Variants in HHLA1 observed in about 807,000 individuals in gnomAD.
HHLA1 encodes HHLA1 neighbor of OC90.
A neutral mutation model predicts 69.9 loss-of-function variants in HHLA1; 72 were observed. The observed-to-expected ratio is 1.03, with a 90% CI of 0.85 to 1.25. The LOEUF is 1.25. HHLA1 is among the 50% of genes most tolerant of loss of function. HHLA1 has a pLI of 0.00. For synonymous variants in HHLA1, 252 were observed against 233.2 expected, an observed-to-expected ratio of 1.08 and a Z score of -0.73; for missense variants, 685 against 642.2, an observed-to-expected ratio of 1.07 and a Z score of -0.72.
At chr8:132,092,614 G>T (rs938131108) in intron 7 of HHLA1, among the ~76,000 whole-genome samples, 1 of 152,114 alleles carries the variant, frequency 6.6e-6, no homozygotes, top group Admixed American at 6.5e-5. Flanking sequence ...AGTCATGTAA[G>T]ATCTGCCTGC....
rs1235940978 is a variant in HHLA1, at chr8:132,063,381, A to G, written c.*614T>C. 1.3e-5 allele frequency: 2 copies of G among 152,252 alleles called. No individual in the cohort carries two copies. The highest frequency in any genetic ancestry group is 2.4e-5 in the African/African-American group (1 of 41,462). 9.4% of individuals were successfully genotyped at this position (152,252 alleles called of 1,614,324 possible). ...GAAGAGGAATCAAGACAAGATGTCA[A>G]TAAAAACAACTCTCTAAACCTCCTC... is the stretch of plus-strand genomic sequence containing the variant. On this transcript the variant is annotated 3_prime_UTR_variant, in exon 17 of 17. Coordinates refer to ENST00000414222, the MANE Select transcript of HHLA1 (RefSeq NM_001145095.3).
chr8:132,070,958 C>T (rs555009951), intron 15 of HHLA1, among the ~76,000 whole-genome samples: 1 of 152,196 alleles, frequency 6.6e-6, no homozygotes, highest in Admixed American at 6.5e-5. Flanking sequence ...GATCACAACT[C>T]CAGTCATCTC....
At chr8:132,068,809 A>G (rs1222503952) in intron 15 of HHLA1, among the ~76,000 whole-genome samples, 2 of 152,298 alleles carry the variant, frequency 1.3e-5, no homozygotes, top group African/African-American at 4.8e-5. Context: ...TGGCTTTGTT[A>G]TCCTGCAAGG....
chr8:132,096,978 G>C (rs1824036696), intron 5 of HHLA1, among the ~76,000 whole-genome samples: 1 of 152,066 alleles, frequency 6.6e-6, no homozygotes, highest in South Asian at 2.1e-4. Flanking sequence ...CCCGGTCTCA[G>C]GTGATTTTTA....
chr8:132,075,644 C>T (rs1436121287), intron 14 of HHLA1, among the ~76,000 whole-genome samples: 1 of 152,206 alleles, frequency 6.6e-6, no homozygotes, highest in Non-Finnish European at 1.5e-5. Flanking sequence ...TCCTTCACTG[C>T]CAACAACCCT....
rs553561254 is a variant in HHLA1 at position 132,096,071 on chromosome 8, G to A, written c.281-285C>T. Reference sequence around the variant, plus strand: ...GGCATATTAGGCCCCTGAGGCTGCTGTAACAAATTATCACAAACTTGGTGG... The same window carrying A: ...GGCATATTAGGCCCCTGAGGCTGCTATAACAAATTATCACAAACTTGGTGG... On this transcript the variant is annotated intron_variant, in intron 5 of 16. Transcript: ENST00000414222. Among the ~76,000 whole-genome samples the A allele has an allele frequency of 2.7e-4, 41 of 152,340 alleles. 1 individual carries two copies. Among genetic ancestry groups the A allele is most frequent in the African/African-American group, 9.6e-4 (40 of 41,574 alleles).
In HHLA1 at chr8:132,075,621, T is replaced by C. The variant is rs1479824772; in HGVS notation, c.1315+434A>G. On this transcript the variant is annotated intron_variant, in intron 14 of 16. Coordinates refer to ENST00000414222, the MANE Select transcript of HHLA1 (RefSeq NM_001145095.3). The stretch of plus-strand genomic sequence containing the variant: ...TGAGGTTGCATTTTGCAGTCATCTT[T>C]TTTATTCCTTCCTCCTTCACTGCCA... Among the ~76,000 whole-genome samples, 7 of 152,330 alleles carry C rather than the reference T, an allele frequency of 4.6e-5. No homozygotes were observed. In the East Asian group the frequency reaches 1.2e-3, roughly 25 times the overall value.
chr8:132,109,254 C>A lies in HHLA1; in HGVS notation c.-22+1848G>T, dbSNP rs572147238. Among the ~76,000 whole-genome samples, 34 of 152,278 alleles carry A rather than the reference C, an allele frequency of 2.2e-4. No individual in the cohort carries two copies. In the South Asian group the frequency reaches 6.8e-3, roughly 31 times the overall value. ...ACTCAGTCAAAAAGCATTTGTGGAG[C>A]TCATGGCATAGTTGTTACAAGCACA... On this transcript the variant is annotated intron_variant, in intron 1 of 16. Transcript: ENST00000414222.
chr8:132,066,018 T>C (rs1054133115), intron 15 of HHLA1, 50 bp from the exon 16 acceptor site: 1 of 795,974 alleles, frequency 1.3e-6, no homozygotes, highest in Non-Finnish European at 1.9e-6. Flanking sequence ...GTGATGGCTA[T>C]TAGAAGACAG....
chr8:132,076,742 T>C (rs766945417), intron 12 of HHLA1, among the ~76,000 whole-genome samples, 199 bp from the exon 13 acceptor site: 1 of 152,136 alleles, frequency 6.6e-6, no homozygotes, highest in African/African-American at 2.4e-5. Flanking sequence ...AATCCCATCA[T>C]TACTGTGATA....
At chr8:132,071,597 C>G (rs753325559) in intron 14 of HHLA1, 104 bp from the exon 15 acceptor site, 2 of 1,058,812 alleles carry the variant, frequency 1.9e-6, no homozygotes, top group Admixed American at 2.4e-5. Context: ...CCTGATCTCA[C>G]GTAGCTCTGA....
intron 4 of HHLA1, among the ~76,000 whole-genome samples, chr8:132,099,252 T>C (rs1338624990): frequency 6.6e-6 from 1 of 152,188 alleles, no homozygotes; most frequent in Non-Finnish European, 1.5e-5. Context: ...GGGACTCATA[T>C]AAAAGGTATC....
At chr8:132,105,812 G>C (rs1440398798) in intron 1 of HHLA1, among the ~76,000 whole-genome samples, 1 of 152,156 alleles carries the variant, frequency 6.6e-6, no homozygotes, top group Non-Finnish European at 1.5e-5. Context: ...GGATTTTCTG[G>C]CTGTTGAGAT....
intron 1 of HHLA1, among the ~76,000 whole-genome samples, chr8:132,106,542 C>A (rs1432006935): frequency 6.6e-6 from 1 of 152,194 alleles, no homozygotes; most frequent in Non-Finnish European, 1.5e-5. Context: ...TAAGAGAACT[C>A]TCACAGGGTC....
At position 132,098,393 on chromosome 8, in the gene HHLA1, C is replaced by T. The variant is rs568397031; in HGVS notation, c.280+489G>A. Among the ~76,000 whole-genome samples the T allele has an allele frequency of 5.3e-5, 8 of 152,266 alleles. No homozygotes were observed. The East Asian group carries it at 5.8e-4, about 11-fold the overall frequency. On this transcript the variant is annotated intron_variant, in intron 5 of 16. Coordinates refer to ENST00000414222, the MANE Select transcript of HHLA1 (RefSeq NM_001145095.3). ...AACATACCATGTCTGTATTGCAATT[C>T]GCTCTCAAAATTCTTGTAAACCTTC...
intron 1 of HHLA1, among the ~76,000 whole-genome samples, chr8:132,108,045 A>G (rs1216881649): frequency 6.6e-6 from 1 of 152,078 alleles, no homozygotes; most frequent in Non-Finnish European, 1.5e-5. Context: ...CTTAACCTTC[A>G]CTCAGTCAAA....
chr8:132,098,696 A>C (rs1214721070), intron 5 of HHLA1, among the ~76,000 whole-genome samples, 186 bp downstream of exon 5: 1 of 152,010 alleles, frequency 6.6e-6, no homozygotes, highest in African/African-American at 2.4e-5. Flanking sequence ...TCCTGAGCTC[A>C]AGCAGCTTCC....
At chr8:132,107,693 C>G (rs1373228129) in intron 1 of HHLA1, among the ~76,000 whole-genome samples, 1 of 152,158 alleles carries the variant, frequency 6.6e-6, no homozygotes, top group African/African-American at 2.4e-5. Context: ...TTTTTTAATT[C>G]TTTGTCATTG....
At position 132,076,112 on chromosome 8, in the gene HHLA1, A is replaced by G; in HGVS notation, c.1258T>C (p.Trp420Arg). 1 of 1,551,262 alleles carries G rather than the reference A, an allele frequency of 6.4e-7. No individual in the cohort carries two copies. The highest frequency in any genetic ancestry group is 1.7e-4 in the Middle Eastern group (1 of 5,992). ...GGCTCTTCACCAGCAGTGAATGGCCACTCTGCAGAGAGATCACCTGCAAAG... is the reference window on the plus strand; with the variant it reads ...GGCTCTTCACCAGCAGTGAATGGCCGCTCTGCAGAGAGATCACCTGCAAAG... ...YPQTGDLSAE[W>R]PFTAGEEPVL... The change falls in exon 14 of 17, where the codon TGG (tryptophan) becomes CGG (arginine). Residue 420 changes from tryptophan (W) to arginine (R), a missense_variant. Physicochemically the swap from Trp to Arg is moderately radical, Grantham distance 101. Coordinates refer to ENST00000414222, the MANE Select transcript of HHLA1 (RefSeq NM_001145095.3).
Sources: gnomAD v4.1 joint callset for allele counts (sites outside exome capture counted in the v4.1 genomes callset) on GRCh38, gnomAD v4.1.1 for gene constraint, MANE v1.5 for transcripts, NCBI Gene and HGNC (gene_info 2026-07-23, HGNC 2026-07-21) for gene names.